Variants in GRIA4 observed in about 807,000 individuals in gnomAD.
The protein encoded by GRIA4 is glutamate receptor 4.
Under a neutral mutation model 104.0 loss-of-function variants are expected in GRIA4, and 34 were observed. The ratio of observed to expected loss-of-function variants is 0.33; its 90% CI spans 0.25 to 0.44. GRIA4 has a LOEUF of 0.44. Among genes scored for constraint, GRIA4 ranks in the 20% least tolerant of loss-of-function variants. The pLI is 1.00. For missense variants in GRIA4, 750 were observed against 1,096.5 expected, an observed-to-expected ratio of 0.68 and a Z score of 4.46; for synonymous variants, 386 against 381.9, an observed-to-expected ratio of 1.01 and a Z score of -0.13.
intron 4 of GRIA4, among the ~76,000 whole-genome samples, chr11:105,823,102 T>C (rs1254928046): frequency 1.3e-5 from 2 of 152,138 alleles, no homozygotes; most frequent in African/African-American, 4.8e-5. Flanking sequence ...ATTAATCTTG[T>C]TCAGGATTTC....
chr11:105,610,597 CCA>C (rs1950444670), intron 1 of GRIA4, 169 bp downstream of exon 1: 1 of 164,182 alleles, frequency 6.1e-6, no homozygotes, highest in South Asian at 1.7e-4. Flanking sequence ...GGCCGCGGCG[CCA>C]GTGTTTGTGT....
At chr11:105,785,162 T>C (rs569672353) in intron 4 of GRIA4, among the ~76,000 whole-genome samples, 10 of 152,334 alleles carry the variant, frequency 6.6e-5, no homozygotes, top group Admixed American at 5.2e-4. Flanking sequence ...CTATACGTTA[T>C]TGGGGCTCAG....
At chr11:105,826,601 G>C (rs1358099492) in intron 4 of GRIA4, among the ~76,000 whole-genome samples, 1 of 152,014 alleles carries the variant, frequency 6.6e-6, no homozygotes, top group Non-Finnish European at 1.5e-5. Flanking sequence ...CCTTTAACAA[G>C]AATTGCATGC....
rs534834422 is a variant in GRIA4 at position 105,759,392 on chromosome 11, C to A, written c.487+6172C>A. ...TATTCTCTTTTTCCTTCGCAGGCATCCCTTCCTCTAATTGCCCCTAAAATG... is the reference window on the plus strand; with the variant it reads ...TATTCTCTTTTTCCTTCGCAGGCATACCTTCCTCTAATTGCCCCTAAAATG... On this transcript the variant is annotated intron_variant, in intron 4 of 16. Transcript: ENST00000282499. Among the ~76,000 whole-genome samples the A allele has an allele frequency of 3.2e-4, 48 of 152,216 alleles. 1 individual carries two copies. Among genetic ancestry groups the A allele is most frequent in the Non-Finnish European group, 5.4e-4 (37 of 68,006 alleles).
At chr11:105,726,572 C>G (rs1938224336) in intron 3 of GRIA4, among the ~76,000 whole-genome samples, 1 of 152,100 alleles carries the variant, frequency 6.6e-6, no homozygotes, top group South Asian at 2.1e-4. Flanking sequence ...TCAAGTGGGT[C>G]CCTGAACCTG....
intron 14 of GRIA4, chr11:105,966,182 A>G (rs758445497): frequency 1.5e-6 from 1 of 666,434 alleles, no homozygotes; most frequent in Non-Finnish European, 2.7e-6. Context: ...TCCCTTCGCA[A>G]ACTTACGTAT....
At chr11:105,836,497 T>C (rs955291023) in intron 4 of GRIA4, among the ~76,000 whole-genome samples, 7 of 152,136 alleles carry the variant, frequency 4.6e-5, no homozygotes, top group African/African-American at 1.7e-4. Context: ...GCCCTCTGTA[T>C]ATTCTTTTTG....
intron 3 of GRIA4, among the ~76,000 whole-genome samples, chr11:105,631,332 G>C (rs1951030813): frequency 6.6e-6 from 1 of 152,146 alleles, no homozygotes; most frequent in Non-Finnish European, 1.5e-5. Context: ...TAAGATAACA[G>C]AAGAAAGAAA....
chr11:105,721,729 C>G (rs613114), intron 3 of GRIA4, among the ~76,000 whole-genome samples: 2 of 152,104 alleles, frequency 1.3e-5, no homozygotes, highest in Admixed American at 6.6e-5. Flanking sequence ...CTCCCTTCTG[C>G]GTGGAACATT....
At chr11:105,921,183 A>T (rs1253152064) in intron 11 of GRIA4, among the ~76,000 whole-genome samples, 1 of 152,166 alleles carries the variant, frequency 6.6e-6, no homozygotes, top group Non-Finnish European at 1.5e-5. Flanking sequence ...GAGACCCAGA[A>T]GCCCAGAACC....
chr11:105,779,633 A>C (rs936008997), intron 4 of GRIA4, among the ~76,000 whole-genome samples: 4 of 151,480 alleles, frequency 2.6e-5, no homozygotes, highest in African/African-American at 9.8e-5. Context: ...TTAAAAGTAT[A>C]ATAAAAAAAA....
At chr11:105,879,815 C>G (rs1482655446) in intron 5 of GRIA4, among the ~76,000 whole-genome samples, 1 of 152,070 alleles carries the variant, frequency 6.6e-6, no homozygotes, top group East Asian at 1.9e-4. Context: ...CAATGTTATT[C>G]TCACAGGTAT....
chr11:105,703,762 C>A (rs1953591164), intron 3 of GRIA4, among the ~76,000 whole-genome samples: 1 of 152,018 alleles, frequency 6.6e-6, no homozygotes, highest in Non-Finnish European at 1.5e-5. Flanking sequence ...AAACCTATGA[C>A]CTTGTACCCT....
At chr11:105,794,582 A>C (rs892655265) in intron 4 of GRIA4, among the ~76,000 whole-genome samples, 3 of 142,098 alleles carry the variant, frequency 2.1e-5, no homozygotes, top group African/African-American at 2.6e-5. Flanking sequence ...ATCTATATAT[A>C]TCTCTCTCAT....
intron 3 of GRIA4, among the ~76,000 whole-genome samples, chr11:105,629,167 G>A (rs1037359806): frequency 6.6e-6 from 1 of 151,398 alleles, no homozygotes; most frequent in Non-Finnish European, 1.5e-5. Context: ...CTTGAGCCCA[G>A]GAGTTGAAGG....
chr11:105,745,337 G>A (rs138947810), intron 3 of GRIA4, among the ~76,000 whole-genome samples: 6 of 152,170 alleles, frequency 3.9e-5, no homozygotes, highest in African/African-American at 1.4e-4. Context: ...CAAGGGCTAG[G>A]AATATTATTA....
intron 3 of GRIA4, among the ~76,000 whole-genome samples, chr11:105,728,084 A>C (rs1938334593): frequency 6.6e-6 from 1 of 152,190 alleles, no homozygotes; most frequent in Non-Finnish European, 1.5e-5. Flanking sequence ...AGACTGGCAA[A>C]CTGGATAGAA....
At chr11:105,613,713 CTCTT>C (rs1165932359) in intron 3 of GRIA4, 1 of 152,046 alleles carries the variant, frequency 6.6e-6, no homozygotes. Flanking sequence ...TTTTTGGTGT[CTCTT>C]TAACCGTTAA....
chr11:105,891,056 C>A (rs561266221), intron 6 of GRIA4, among the ~76,000 whole-genome samples: 1 of 152,128 alleles, frequency 6.6e-6, no homozygotes, highest in Non-Finnish European at 1.5e-5. Context: ...GTTGGTTTAT[C>A]CTAGTCTGTT....
Sources: gnomAD v4.1 joint callset for allele counts (sites outside exome capture counted in the v4.1 genomes callset) on GRCh38, gnomAD v4.1.1 for gene constraint, MANE v1.5 for transcripts, NCBI Gene and HGNC (gene_info 2026-07-23, HGNC 2026-07-21) for gene names.